Variants in INHA observed in about 807,000 individuals in gnomAD.
INHA encodes the protein inhibin alpha chain.
Under a neutral mutation model 21.3 loss-of-function variants are expected in INHA, and 8 were observed. The observed-to-expected ratio is 0.38, with a 90% CI of 0.22 to 0.68. The LOEUF (loss-of-function observed/expected upper bound fraction) is 0.68, where lower values mean the gene tolerates loss of function less well. INHA is among the 30% of genes least tolerant of loss of function. The pLI, the probability that INHA is intolerant of heterozygous loss-of-function variation, is 0.53. For missense variants in INHA, 436 were observed against 465.8 expected, an observed-to-expected ratio of 0.94 and a Z score of 0.59; for synonymous variants, 231 against 207.5, an observed-to-expected ratio of 1.11 and a Z score of -0.97.
At chr2:219,574,553 C>G in intron 1 of INHA, 141 bp from the exon 2 acceptor site, 1 of 668,862 alleles carries the variant, frequency 1.5e-6, no homozygotes, top group Non-Finnish European at 2.5e-6. Context: ...TCAGGAGAGT[C>G]CCCACGTCCC....
intron 1 of INHA, 57 bp downstream of exon 1, chr2:219,572,699 G>A (rs568479435): frequency 1.3e-6 from 2 of 1,541,738 alleles, no homozygotes; most frequent in South Asian, 1.2e-5. Flanking sequence ...GGCACAGCAT[G>A]GGTTTGCAGG....
chr2:219,572,621 G>A lies in INHA; in HGVS notation c.247G>A (p.Ala83Thr), dbSNP rs1697435561. The A allele has an allele frequency of 6.4e-7, 1 of 1,551,904 alleles. No homozygotes were observed. Among genetic ancestry groups the A allele is most frequent in the South Asian group, 1.2e-5 (1 of 84,148 alleles). The change falls in exon 1 of 2, where the codon GCC (alanine) becomes ACC (threonine). Residue 83 changes from alanine to threonine, a missense_variant. By Grantham distance (58) the Ala-to-Thr change is moderately conservative. Transcript: ENST00000243786. The part of the protein sequence containing the change: ...EPEEEEDVSQ[A>T]ILFPATDASC... Reference sequence around the variant, plus strand: ...CGAGGAAGAGGAGGATGTCTCCCAAGCCATCCTTTTCCCAGCCACAGGTAA... The same window carrying A: ...CGAGGAAGAGGAGGATGTCTCCCAAACCATCCTTTTCCCAGCCACAGGTAA...
intron 1 of INHA, 96 bp downstream of exon 1, chr2:219,572,738 C>A: frequency 7.3e-7 from 1 of 1,368,186 alleles, no homozygotes; most frequent in Non-Finnish European, 1.0e-6. Flanking sequence ...GAATCCTAGT[C>A]CTGCTACTCA....
chr2:219,573,587 CT>C (rs11342037), intron 1 of INHA, among the ~76,000 whole-genome samples: 92,140 of 143,520 alleles, frequency 0.64, 29,387 homozygotes, highest in South Asian at 0.76. Flanking sequence ...CCTCCTTCTT[CT>C]TTTTTTTTTT....
At position 219,575,265 on chromosome 2, in the gene INHA, C is replaced by T. The variant is rs115371131; in HGVS notation, c.840C>T (p.Ile280=). 384 of 1,614,210 alleles carry T rather than the reference C, an allele frequency of 2.4e-4. No homozygotes were observed. The African/African-American group carries it at 4.3e-3, about 18-fold the overall frequency. ...AGGAGCTGGGCTGGGAACGGTGGAT[C>T]GTGTACCCTCCCAGTTTCATCTTCC... The part of the protein sequence containing the change: ...SFQELGWERW[I]VYPPSFIFHY... The change falls in exon 2 of 2, where the codon ATC becomes ATT. Residue 280 remains isoleucine (I), a synonymous_variant. Coordinates refer to ENST00000243786, the MANE Select transcript of INHA (RefSeq NM_002191.4).
At chr2:219,574,319 G>A (rs1478652159) in intron 1 of INHA, among the ~76,000 whole-genome samples, 2 of 151,152 alleles carry the variant, frequency 1.3e-5, no homozygotes, top group African/African-American at 4.9e-5. Context: ...CATCCATGTA[G>A]ACACCATTCA....
In INHA at chr2:219,575,569, G is replaced by GC; in HGVS notation, c.*48dup. The GC allele has an allele frequency of 6.8e-7, 1 of 1,480,976 alleles. No homozygotes were observed. Among genetic ancestry groups the GC allele is most frequent in the South Asian group, 1.1e-5 (1 of 88,490 alleles). The allele number at this position is 1,480,976 out of a possible 1,614,324, so 91.7% of individuals were successfully genotyped here. On this transcript the variant is annotated 3_prime_UTR_variant, in exon 2 of 2. Transcript: ENST00000243786. The stretch of plus-strand genomic sequence containing the variant: ...TCTTAATCCCATGGCTGGTGGCCAC[G>GC]CCCCCACCATCATCAGCTGGGAGGA...
rs1180214212 is a variant in INHA at position 219,575,411 on chromosome 2, C to G, written c.986C>G (p.Ala329Gly). 2 of 1,613,906 alleles carry G rather than the reference C, an allele frequency of 1.2e-6. No homozygotes were observed. Among genetic ancestry groups the G allele is most frequent in the Admixed American group, 1.7e-5 (1 of 60,010 alleles). ...CTGCCAGGGGCCCAGCCCTGCTGTG[C>G]TGCTCTCCCAGGGACCATGAGGCCC... ...SLLPGAQPCC[A>G]ALPGTMRPLH... The change falls in exon 2 of 2, where the codon GCT becomes GGT. Residue 329 changes from alanine to glycine, a missense_variant. Ala to Gly is a moderately conservative substitution (Grantham distance 60). Coordinates refer to ENST00000243786, the MANE Select transcript of INHA (RefSeq NM_002191.4).
rs1302782569 is a variant in INHA, at chr2:219,575,521, A to G, written c.1096A>G (p.Ile366Val). 1.2e-5 allele frequency: 20 copies of G among 1,611,570 alleles called. No homozygotes were observed. Among genetic ancestry groups the G allele is most frequent in the South Asian group, 7.7e-5 (7 of 91,036 alleles). Reference protein sequence around the residue: ...PNLLTQHCACI With the variant: ...PNLLTQHCACV ...CCTTCTCACGCAGCACTGTGCTTGT[A>G]TCTAAGGGTGGGGGGTCTTCCTTCT... Residue 366 changes from isoleucine to valine, a missense_variant, in exon 2 of 2, where the codon ATC (isoleucine) becomes GTC (valine). Coordinates refer to ENST00000243786, the MANE Select transcript of INHA (RefSeq NM_002191.4).
Position 219,574,695 on chromosome 2 carries a change from T to C in INHA, c.270T>C (p.Asp90=). Residue 90 remains aspartate, a splice_region_variant and synonymous_variant, in exon 2 of 2, where the codon GAT becomes GAC. Transcript: ENST00000243786. ...VSQAILFPAT[D]ASCEDKSAAR... is the part of the protein sequence containing the mutation. ...TCCCTTTTCTTCTGTCTCCTGCAGA[T>C]GCCAGCTGTGAGGACAAGTCAGCTG... 1 of 1,610,504 alleles carries C rather than the reference T, an allele frequency of 6.2e-7. No homozygotes were observed. Among genetic ancestry groups the C allele is most frequent in the Non-Finnish European group, 8.5e-7 (1 of 1,178,602 alleles).
chr2:219,575,323 C>T lies in INHA; in HGVS notation c.898C>T (p.Pro300Ser). 1.2e-6 allele frequency: 2 copies of T among 1,614,218 alleles called. No individual in the cohort carries two copies. Among genetic ancestry groups the T allele is most frequent in the East Asian group, 4.5e-5 (2 of 44,880 alleles). Residue 300 changes from proline (P) to serine (S), a missense_variant, in exon 2 of 2, where the codon CCA (proline) becomes TCA (serine). Pro to Ser is a moderately conservative substitution (Grantham distance 74). Transcript: ENST00000243786. Reference sequence around the variant, plus strand: ...TCATGGTGGTTGTGGGCTGCACATCCCACCAAACCTGTCCCTTCCAGTCCC... The same window carrying T: ...TCATGGTGGTTGTGGGCTGCACATCTCACCAAACCTGTCCCTTCCAGTCCC... ...YCHGGCGLHI[P>S]PNLSLPVPGA...
In INHA at chr2:219,575,321, T is replaced by A. The variant is rs778285152; in HGVS notation, c.896T>A (p.Ile299Asn). ...HYCHGGCGLH[I>N]PPNLSLPVPG... is the part of the protein sequence containing the mutation. The stretch of plus-strand genomic sequence containing the variant: ...TGTCATGGTGGTTGTGGGCTGCACA[T>A]CCCACCAAACCTGTCCCTTCCAGTC... The change falls in exon 2 of 2, where the codon ATC becomes AAC. Residue 299 changes from isoleucine (I) to asparagine (N), a missense_variant. Coordinates refer to ENST00000243786, the MANE Select transcript of INHA (RefSeq NM_002191.4). 1 of 1,614,106 alleles carries A rather than the reference T, an allele frequency of 6.2e-7. No individual in the cohort carries two copies. Among genetic ancestry groups the A allele is most frequent in the Non-Finnish European group, 8.5e-7 (1 of 1,179,996 alleles).
rs1392493445 is a variant in INHA, at chr2:219,575,237, T to A, written c.812T>A (p.Phe271Tyr). 1 of 1,614,224 alleles carries A rather than the reference T, an allele frequency of 6.2e-7. No individual in the cohort carries two copies. The highest frequency in any genetic ancestry group is 1.1e-5 in the South Asian group (1 of 91,088). The change falls in exon 2 of 2, where the codon TTC becomes TAC. Residue 271 changes from phenylalanine to tyrosine, a missense_variant. Phe to Tyr is a conservative substitution (Grantham distance 22). Coordinates refer to ENST00000243786, the MANE Select transcript of INHA (RefSeq NM_002191.4). Reference protein sequence around the residue: ...NCHRVALNISFQELGWERWIV... With the variant: ...NCHRVALNISYQELGWERWIV... The stretch of plus-strand genomic sequence containing the variant: ...CACAGAGTAGCACTGAACATCTCCT[T>A]CCAGGAGCTGGGCTGGGAACGGTGG...
chr2:219,575,634 C>T lies in INHA; in HGVS notation c.*108C>T, dbSNP rs1697507066. 3 of 884,782 alleles carry T rather than the reference C, an allele frequency of 3.4e-6. No homozygotes were observed. The African/African-American group carries it at 4.9e-5, about 14-fold the overall frequency. The allele number at this position is 884,782 out of a possible 1,614,324, so 54.8% of individuals were successfully genotyped here. On this transcript the variant is annotated 3_prime_UTR_variant, in exon 2 of 2. Transcript: ENST00000243786. The stretch of plus-strand genomic sequence containing the variant: ...AAATAGATGGCTCCCACTCCTCCCT[C>T]CTTTCACTTCTCTGCCTATGGGCTA...
chr2:219,572,320 G>C lies in INHA; in HGVS notation c.-55G>C. The C allele has an allele frequency of 6.2e-7, 1 of 1,612,398 alleles. No homozygotes were observed. Among genetic ancestry groups the C allele is most frequent in the Non-Finnish European group, 8.5e-7 (1 of 1,179,702 alleles). On this transcript the variant is annotated 5_prime_UTR_variant, in exon 1 of 2. Transcript: ENST00000243786. ...GTGGAAAGGCCCTGGGCAGACCCTG[G>C]CAGAAGGGGCACGGGGCAGGGTGTG...
rs145398632 is a variant in INHA at position 219,574,923 on chromosome 2, C to T, written c.498C>T (p.Pro166=). Residue 166 remains proline, a synonymous_variant, in exon 2 of 2, where the codon CCC becomes CCT. Coordinates refer to ENST00000243786, the MANE Select transcript of INHA (RefSeq NM_002191.4). ...ALSPGGPVAV[P]MSLGHAPPHW... ...CACCGGGAGGACCCGTGGCTGTGCC[C>T]ATGTCTTTGGGCCATGCTCCCCCTC... The T allele has an allele frequency of 1.1e-4, 178 of 1,614,206 alleles. No homozygotes were observed. The highest frequency in any genetic ancestry group is 8.2e-4 in the Middle Eastern group (5 of 6,062).
intron 1 of INHA, among the ~76,000 whole-genome samples, chr2:219,573,394 C>G (rs1337843890): frequency 6.6e-6 from 1 of 152,156 alleles, no homozygotes; most frequent in African/African-American, 2.4e-5. Flanking sequence ...AGTATAGTTC[C>G]AATTGCCAGT....
chr2:219,574,964 A>C lies in INHA; in HGVS notation c.539A>C (p.His180Pro). Residue 180 changes from histidine (H) to proline (P), a missense_variant, in exon 2 of 2, where the codon CAC becomes CCC. His to Pro is a moderately conservative substitution (Grantham distance 77, BLOSUM62 -2). Transcript: ENST00000243786. ...GCTCCCCCTCACTGGGCCGTGCTGC[A>C]CCTGGCCACCTCTGCTCTCTCTCTG... is the stretch of plus-strand genomic sequence containing the variant. ...GHAPPHWAVLHLATSALSLLT... is the reference protein window; with the variant it reads ...GHAPPHWAVLPLATSALSLLT... The C allele has an allele frequency of 6.2e-7, 1 of 1,613,912 alleles. No individual in the cohort carries two copies. The highest frequency in any genetic ancestry group is 8.5e-7 in the Non-Finnish European group (1 of 1,180,008).
At chr2:219,572,678 A>G in intron 1 of INHA, 36 bp downstream of exon 1, 2 of 1,550,526 alleles carry the variant, frequency 1.3e-6, no homozygotes, top group Non-Finnish European at 1.7e-6. Context: ...GATGACTTTG[A>G]GAAAAAGCAA....
Sources: gnomAD v4.1 joint callset for allele counts (sites outside exome capture counted in the v4.1 genomes callset) on GRCh38, gnomAD v4.1.1 for gene constraint, MANE v1.5 for transcripts, NCBI Gene and HGNC (gene_info 2026-07-23, HGNC 2026-07-21) for gene names.